NCKAP5: variants seen among roughly 807,000 people sequenced by gnomAD.
The protein encoded by NCKAP5 is NCK associated protein 5.
In NCKAP5, 92 loss-of-function variants were observed where a neutral mutation model predicts 167.0. The ratio of observed to expected loss-of-function variants is 0.55; its 90% CI spans 0.47 to 0.66. The LOEUF (loss-of-function observed/expected upper bound fraction) is 0.66. NCKAP5 is among the 30% of genes least tolerant of loss of function. The pLI is 0.00. For synonymous variants in NCKAP5, 891 were observed against 877.4 expected, an observed-to-expected ratio of 1.02 and a Z score of -0.27; for missense variants, 2,378 against 2,315.0, an observed-to-expected ratio of 1.03 and a Z score of -0.56.
chr2:133,104,385 G>C (rs1292024194), intron 6 of NCKAP5, among the ~76,000 whole-genome samples: 3 of 152,208 alleles, frequency 2.0e-5, no homozygotes, highest in Non-Finnish European at 4.4e-5. Flanking sequence ...TTCACTGTTT[G>C]ATAAAGGAAC....
intron 8 of NCKAP5, among the ~76,000 whole-genome samples, chr2:132,960,241 A>G (rs2076471056): frequency 6.6e-6 from 1 of 152,214 alleles, no homozygotes; most frequent in Non-Finnish European, 1.5e-5. Context: ...TTTGCTGAGC[A>G]GGCGGATGAT....
intron 3 of NCKAP5, among the ~76,000 whole-genome samples, chr2:133,460,829 A>C (rs536798519): frequency 6.6e-6 from 1 of 152,312 alleles, no homozygotes; most frequent in South Asian, 2.1e-4. Context: ...CCTTTACAAA[A>C]CAGCTAAATA....
At chr2:133,497,147 C>T (rs1427846974) in intron 3 of NCKAP5, among the ~76,000 whole-genome samples, 1 of 152,132 alleles carries the variant, frequency 6.6e-6, no homozygotes, top group Non-Finnish European at 1.5e-5. Flanking sequence ...AAAGCAATTG[C>T]CAATTTTAAA....
chr2:132,969,834 C>T (rs1174697585), intron 7 of NCKAP5, among the ~76,000 whole-genome samples: 1 of 152,246 alleles, frequency 6.6e-6, no homozygotes, highest in Non-Finnish European at 1.5e-5. Context: ...TAAAGGCATA[C>T]TTGCCTGTGC....
chr2:133,427,560 T>C (rs1689891808), intron 3 of NCKAP5, among the ~76,000 whole-genome samples: 2 of 152,088 alleles, frequency 1.3e-5, no homozygotes, highest in African/African-American at 4.8e-5. Context: ...TTAGCACAGA[T>C]AAAGAAACTC....
At chr2:132,755,567 G>A (rs186450669) in intron 16 of NCKAP5, among the ~76,000 whole-genome samples, 11 of 151,964 alleles carry the variant, frequency 7.2e-5, no homozygotes, top group South Asian at 2.1e-4. Context: ...ATGGTGGCTC[G>A]TGCCTGTAAT....
chr2:133,549,166 C>A (rs1295574745), intron 2 of NCKAP5, among the ~76,000 whole-genome samples: 1 of 151,128 alleles, frequency 6.6e-6, no homozygotes, highest in African/African-American at 2.4e-5. Flanking sequence ...ATCAATTCAA[C>A]AAGAAGAGCT....
the NCKAP5 span, among the ~76,000 whole-genome samples, chr2:133,646,607 G>A: frequency 6.6e-6 from 1 of 152,028 alleles, no homozygotes; most frequent in Non-Finnish European, 1.5e-5. Flanking sequence ...AGCTTTTCAG[G>A]TTAAAACAAA....
At chr2:133,340,573 A>T (rs530637521) in intron 3 of NCKAP5, among the ~76,000 whole-genome samples, 2 of 152,310 alleles carry the variant, frequency 1.3e-5, no homozygotes, top group South Asian at 2.1e-4. Context: ...ACAATGCATA[A>T]GAAAGAGGAG....
chr2:133,501,196 C>A (rs1031985222), intron 3 of NCKAP5, among the ~76,000 whole-genome samples: 1 of 152,144 alleles, frequency 6.6e-6, no homozygotes, highest in African/African-American at 2.4e-5. Flanking sequence ...ACGTGTGGAG[C>A]CCATAGACAG....
intron 3 of NCKAP5, among the ~76,000 whole-genome samples, chr2:133,396,730 C>T (rs1175875879): frequency 6.6e-6 from 1 of 152,138 alleles, no homozygotes; most frequent in Admixed American, 6.5e-5. Flanking sequence ...CTCCAAACAA[C>T]ATCATATTCT....
rs1396559248 is a variant in NCKAP5 at position 132,794,305 on chromosome 2, GA to G, written c.909+2322del. Among the ~76,000 whole-genome samples the G allele has an allele frequency of 2.7e-3, 311 of 115,020 alleles. 7 individuals are homozygous for G. The highest frequency in any genetic ancestry group is 4.4e-3 in the Non-Finnish European group (236 of 53,426). 75.5% of individuals were successfully genotyped at this position (115,020 alleles called of 152,430 possible). ...AGAGAGAGAGAGAGAGAGAGAGAGA[GA>G]GGGTGGCGGGAAGAGAGAGAGAAAG... On this transcript the variant is annotated intron_variant, in intron 12 of 19. Coordinates refer to ENST00000409261, the MANE Select transcript of NCKAP5 (RefSeq NM_207363.3).
intron 8 of NCKAP5, among the ~76,000 whole-genome samples, chr2:132,917,975 T>C (rs946540713): frequency 5.9e-5 from 9 of 152,324 alleles, no homozygotes; most frequent in South Asian, 2.1e-4. Context: ...AGAAGTATAT[T>C]ATACCAAGTC....
intron 18 of NCKAP5, among the ~76,000 whole-genome samples, chr2:132,726,337 C>A (rs918698698): frequency 1.3e-4 from 20 of 152,166 alleles, no homozygotes; most frequent in African/African-American, 4.8e-4. Context: ...GGCTGAGGAG[C>A]CCAGTTTCCC....
In NCKAP5 at chr2:133,100,865, T is replaced by A. The variant is rs185926479; in HGVS notation, c.341+29113A>T. ...TAAAATATTTTGTTGACGTTTGTAT[T>A]CTTAAAATATTTTTACTATATGCAG... On this transcript the variant is annotated intron_variant, in intron 6 of 19. Transcript: ENST00000409261. 1.3e-3 allele frequency among the ~76,000 whole-genome samples: 191 copies of A among 152,296 alleles called. 1 individual carries two copies. The highest frequency in any genetic ancestry group is 2.2e-3 in the Non-Finnish European group (148 of 68,026).
At chr2:133,387,824 G>GT (rs1183752589) in intron 3 of NCKAP5, among the ~76,000 whole-genome samples, 1 of 152,122 alleles carries the variant, frequency 6.6e-6, no homozygotes, top group Non-Finnish European at 1.5e-5. Context: ...CTTTCTTCCA[G>GT]TTGATCAAAT....
intron 3 of NCKAP5, among the ~76,000 whole-genome samples, chr2:133,508,461 G>A (rs552505926): frequency 6.6e-6 from 1 of 152,148 alleles, no homozygotes; most frequent in African/African-American, 2.4e-5. Context: ...TTTTTTTAAA[G>A]CTTTGCAAAG....
At chr2:133,213,966 A>G (rs2086319401) in intron 4 of NCKAP5, among the ~76,000 whole-genome samples, 187 bp from the exon 5 acceptor site, 1 of 152,202 alleles carries the variant, frequency 6.6e-6, no homozygotes, top group Admixed American at 6.5e-5. Flanking sequence ...ATTGAGTGTC[A>G]TGAAATTTGC....
intron 7 of NCKAP5, among the ~76,000 whole-genome samples, chr2:132,967,074 A>G (rs996207348): frequency 6.6e-6 from 1 of 151,634 alleles, no homozygotes; most frequent in Non-Finnish European, 1.5e-5. Flanking sequence ...TGACACAAGT[A>G]TGGATTTTTG....
Sources: allele counts gnomAD v4.1 joint callset (sites outside exome capture counted in the v4.1 genomes callset), GRCh38; gene constraint gnomAD v4.1.1; transcripts MANE v1.5; gene names NCBI Gene and HGNC (gene_info 2026-07-23, HGNC 2026-07-21).